The following TMEM245 variants were observed in gnomAD, a reference collection of about 807,000 sequenced individuals.
The protein encoded by TMEM245 is transmembrane protein 245, also known as protein CG-2.
A neutral mutation model predicts 101.2 loss-of-function variants in TMEM245; 69 were observed. That is an observed-to-expected ratio of 0.68 (90% CI 0.56 to 0.83). The LOEUF is 0.83. Ranked by LOEUF, TMEM245 falls within the 40% of genes least tolerant of loss-of-function variation. The pLI, the probability that TMEM245 is intolerant of heterozygous loss-of-function variation, is 0.00. For missense variants in TMEM245, 1,075 were observed against 1,092.8 expected (o/e 0.98, Z 0.23); for synonymous variants, 537 against 449.8 (o/e 1.19, Z -2.45).
In TMEM245 at chr9:109,093,465, C is replaced by T; in HGVS notation, c.916+10G>A. On this transcript the variant is annotated intron_variant, in intron 4 of 17. Transcript: ENST00000374586. The stretch of plus-strand genomic sequence containing the variant: ...AGAATAACCTTGAATGTCACCAGAA[C>T]ATCAGTCACCTGCAGGCTGAGTGGA... 1 of 1,604,026 alleles carries T rather than the reference C, an allele frequency of 6.2e-7. No homozygotes were observed. The highest frequency in any genetic ancestry group is 8.5e-7 in the Non-Finnish European group (1 of 1,174,402).
At chr9:109,104,351 A>T (rs931769951) in intron 3 of TMEM245, among the ~76,000 whole-genome samples, 8 of 152,046 alleles carry the variant, frequency 5.3e-5, no homozygotes, top group African/African-American at 1.7e-4. Flanking sequence ...ATTTAAAATT[A>T]AAAAAAACAC....
At chr9:109,067,746 G>A (rs1468520788) in intron 9 of TMEM245, among the ~76,000 whole-genome samples, 1 of 152,140 alleles carries the variant, frequency 6.6e-6, no homozygotes, top group East Asian at 1.9e-4. Context: ...CCACTAAGAT[G>A]ATCCTAATCT....
At chr9:109,029,459 A>G (rs1827886176) in intron 17 of TMEM245, among the ~76,000 whole-genome samples, 1 of 152,238 alleles carries the variant, frequency 6.6e-6, no homozygotes, top group African/African-American at 2.4e-5. Flanking sequence ...CAACAATCCT[A>G]GAAGCCAGAA....
At chr9:109,061,626 G>T (rs1202464669) in intron 10 of TMEM245, among the ~76,000 whole-genome samples, 1 of 152,038 alleles carries the variant, frequency 6.6e-6, no homozygotes, top group Non-Finnish European at 1.5e-5. Flanking sequence ...AAGTGCAGTG[G>T]CGCGATCTCG....
In TMEM245 at chr9:109,087,514, T is replaced by C. The variant is rs192550136; in HGVS notation, c.1151-172A>G. Among the ~76,000 whole-genome samples the C allele has an allele frequency of 2.6e-5, 4 of 152,292 alleles. No individual in the cohort carries two copies. In the East Asian group the frequency reaches 5.8e-4, roughly 22 times the overall value. ...CAAAGTACTCCCCACACAGATGGAA[T>C]TGGACCAAGTAACTTTTCAAACCAT... On this transcript the variant is annotated intron_variant, in intron 5 of 17. Transcript: ENST00000374586.
Position 109,022,247 on chromosome 9 carries a change from G to A in TMEM245, c.2595-1742C>T, listed in dbSNP as rs111804293. ...CTAAGCCTCTGGATCTCTGAAGCACGCCTCTACTAGCACAGCTCTACTTTG... is the reference window on the plus strand; with the variant it reads ...CTAAGCCTCTGGATCTCTGAAGCACACCTCTACTAGCACAGCTCTACTTTG... On this transcript the variant is annotated intron_variant, in intron 17 of 17. Coordinates refer to ENST00000374586, the MANE Select transcript of TMEM245 (RefSeq NM_032012.4). Among the ~76,000 whole-genome samples the A allele has an allele frequency of 9.7e-4, 147 of 152,256 alleles. 1 individual carries two copies. Among genetic ancestry groups the A allele is most frequent in the African/African-American group, 3.3e-3 (137 of 41,554 alleles).
At chr9:109,102,600 C>T (rs1830307400) in intron 3 of TMEM245, among the ~76,000 whole-genome samples, 1 of 150,928 alleles carries the variant, frequency 6.6e-6, no homozygotes, top group African/African-American at 2.5e-5. Context: ...ACAGAATGTT[C>T]ACTGTGATCT....
chr9:109,076,493 C>A (rs1003442268), intron 8 of TMEM245, among the ~76,000 whole-genome samples: 1 of 151,742 alleles, frequency 6.6e-6, no homozygotes, highest in Non-Finnish European at 1.5e-5. Context: ...AACAAACCTG[C>A]ACGTTGTGCA....
intron 17 of TMEM245, among the ~76,000 whole-genome samples, chr9:109,030,735 T>A: frequency 6.6e-6 from 1 of 152,320 alleles, no homozygotes; most frequent in African/African-American, 2.4e-5. Context: ...CCTCTCCTTT[T>A]ATTCTTTTGG....
At chr9:109,051,622 A>G (rs768858208) in intron 12 of TMEM245, among the ~76,000 whole-genome samples, 1 of 152,216 alleles carries the variant, frequency 6.6e-6, no homozygotes, top group Non-Finnish European at 1.5e-5. Context: ...TAAAAGGTAC[A>G]GTAAAAATAC....
intron 1 of TMEM245, among the ~76,000 whole-genome samples, chr9:109,111,642 T>A (rs1056881576): frequency 1.3e-5 from 2 of 152,306 alleles, no homozygotes; most frequent in Non-Finnish European, 2.9e-5. Context: ...ATAAAAATAT[T>A]CACTTGCCAT....
At chr9:109,041,748 G>A (rs564941895) in intron 14 of TMEM245, among the ~76,000 whole-genome samples, 4 of 152,092 alleles carry the variant, frequency 2.6e-5, no homozygotes, top group East Asian at 1.9e-4. Context: ...AAAATGGTAC[G>A]TGAAGTAATG....
chr9:109,066,717 T>C (rs1588047470), intron 9 of TMEM245, among the ~76,000 whole-genome samples: 1 of 151,806 alleles, frequency 6.6e-6, no homozygotes, highest in African/African-American at 2.4e-5. Flanking sequence ...ATTATATTGA[T>C]ATTATATATT....
In TMEM245 at chr9:109,060,427, A is replaced by G; in HGVS notation, c.1649T>C (p.Val550Ala). Reference sequence around the variant, plus strand: ...CTTTTCAATTACAGCAGTATTGTTCACCTTATCTCCTAGAATTTTATGGAG... The same window carrying G: ...CTTTTCAATTACAGCAGTATTGTTCGCCTTATCTCCTAGAATTTTATGGAG... ...HKLHKILGDK[V>A]NNTAVIEKQV... The change falls in exon 11 of 18, where the codon GTG becomes GCG. Residue 550 changes from valine (V) to alanine (A), a missense_variant. By Grantham distance (64) the Val-to-Ala change is moderately conservative (BLOSUM62 0). Coordinates refer to ENST00000374586, the MANE Select transcript of TMEM245 (RefSeq NM_032012.4). The G allele has an allele frequency of 6.2e-7, 1 of 1,613,256 alleles. No individual in the cohort carries two copies. The highest frequency in any genetic ancestry group is 8.5e-7 in the Non-Finnish European group (1 of 1,179,546).
intron 2 of TMEM245, among the ~76,000 whole-genome samples, chr9:109,107,064 A>G (rs1299253028): frequency 3.3e-5 from 5 of 151,854 alleles, no homozygotes; most frequent in African/African-American, 1.2e-4. Context: ...AAAACCATCA[A>G]TGTCTCCTCC....
intron 3 of TMEM245, among the ~76,000 whole-genome samples, chr9:109,104,357 A>AC (rs937855249): frequency 5.1e-4 from 78 of 152,226 alleles, no homozygotes; most frequent in African/African-American, 1.7e-3. Context: ...AATTAAAAAA[A>AC]ACACTAAAAA....
Position 109,057,318 on chromosome 9 carries a change from A to G in TMEM245, c.1727T>C (p.Val576Ala). 6.2e-7 allele frequency: 1 copy of G among 1,613,914 alleles called. No individual in the cohort carries two copies. Among genetic ancestry groups the G allele is most frequent in the South Asian group, 1.1e-5 (1 of 91,050 alleles). The change falls in exon 12 of 18, where the codon GTA becomes GCA. Residue 576 changes from valine to alanine, a missense_variant. By Grantham distance (64) the Val-to-Ala change is moderately conservative. Transcript: ENST00000374586. Reference protein sequence around the residue: ...RLYHSWFVKNVTHSGRHKGQK... With the variant: ...RLYHSWFVKNATHSGRHKGQK... The stretch of plus-strand genomic sequence containing the variant: ...TCCTTTGTGCCTTCCAGAGTGTGTT[A>G]CATTCTATGGAATAAAACAGTGCAG...
intron 4 of TMEM245, among the ~76,000 whole-genome samples, chr9:109,092,943 G>A (rs997745004): frequency 2.7e-4 from 40 of 148,066 alleles, no homozygotes; most frequent in African/African-American, 9.4e-4. Flanking sequence ...TTCAGAGAAA[G>A]AATGACAGAG....
intron 9 of TMEM245, among the ~76,000 whole-genome samples, chr9:109,070,106 C>T (rs561463296): frequency 2.0e-5 from 3 of 152,156 alleles, no homozygotes; most frequent in Admixed American, 6.5e-5. Flanking sequence ...ATCCACAGGG[C>T]GCACCTCCAG....
Sources: gnomAD v4.1 joint callset for allele counts (sites outside exome capture counted in the v4.1 genomes callset) on GRCh38, gnomAD v4.1.1 for gene constraint, MANE v1.5 for transcripts, NCBI Gene and HGNC (gene_info 2026-07-23, HGNC 2026-07-21) for gene names.